Variants in USP3 observed in about 807,000 individuals in gnomAD.
The protein encoded by USP3 is ubiquitin carboxyl-terminal hydrolase 3.
USP3 carries 20 observed loss-of-function variants against 72.3 expected under a neutral mutation model. The observed-to-expected ratio is 0.28, with a 90% CI of 0.19 to 0.40. USP3 has a LOEUF of 0.40. Among genes scored for constraint, USP3 ranks in the 10% least tolerant of loss-of-function variants. The pLI, the probability that USP3 is intolerant of heterozygous loss-of-function variation, is 1.00. For synonymous variants in USP3, 222 were observed against 225.3 expected (o/e 0.99, Z 0.13); for missense variants, 479 against 633.9 (o/e 0.76, Z 2.62).
intron 4 of USP3, among the ~76,000 whole-genome samples, chr15:63,554,878 T>C (rs1286793356): frequency 6.6e-6 from 1 of 152,218 alleles, no homozygotes; most frequent in African/African-American, 2.4e-5. Context: ...ACTTCTCTTC[T>C]AATTTGATGA....
chr15:63,573,196 T>G (rs1387041481), intron 9 of USP3, among the ~76,000 whole-genome samples: 2 of 152,182 alleles, frequency 1.3e-5, no homozygotes, highest in African/African-American at 2.4e-5. Context: ...GTAATCTGAC[T>G]TCATACTAAT....
intron 1 of USP3, among the ~76,000 whole-genome samples, chr15:63,506,337 G>A (rs1197250852): frequency 6.7e-6 from 1 of 149,022 alleles, no homozygotes; most frequent in Non-Finnish European, 1.5e-5. Context: ...TGCTATAATT[G>A]TAACTTAATT....
chr15:63,541,646 A>T (rs751295689), intron 3 of USP3, among the ~76,000 whole-genome samples: 6 of 152,168 alleles, frequency 3.9e-5, no homozygotes, highest in Non-Finnish European at 7.4e-5. Context: ...TGATGGCAAT[A>T]CATCAGAGTT....
Position 63,590,786 on chromosome 15 carries a change from A to T in USP3, c.1523A>T (p.Tyr508Phe), listed in dbSNP as rs965594820. Residue 508 changes from tyrosine (Y) to phenylalanine (F), a missense_variant, in exon 15 of 15, where the codon TAC becomes TTC. Coordinates refer to ENST00000380324, the MANE Select transcript of USP3 (RefSeq NM_006537.4). ...AAGGCGAAGGCCTACATCCTTTTCT[A>T]CGTGGAACACCAGGCCAAAGCTGGA... ...VVKAKAYILF[Y>F]VEHQAKAGSD... 6.2e-7 allele frequency: 1 copy of T among 1,614,104 alleles called. No homozygotes were observed. The highest frequency in any genetic ancestry group is 8.5e-7 in the Non-Finnish European group (1 of 1,180,008).
At chr15:63,527,134 CA>C (rs2152656102) in intron 1 of USP3, among the ~76,000 whole-genome samples, 1 of 152,292 alleles carries the variant, frequency 6.6e-6, no homozygotes, top group South Asian at 2.1e-4. Flanking sequence ...TGGGCTCAAG[CA>C]ATCCTCCCAC....
At chr15:63,560,712 A>G (rs747901832) in intron 7 of USP3, among the ~76,000 whole-genome samples, 6 of 152,144 alleles carry the variant, frequency 3.9e-5, no homozygotes, top group Admixed American at 1.3e-4. Context: ...AAAACGGACA[A>G]GTGCTCATTA....
At chr15:63,539,973 G>A (rs1169924122) in intron 3 of USP3, among the ~76,000 whole-genome samples, 1 of 152,162 alleles carries the variant, frequency 6.6e-6, no homozygotes. Flanking sequence ...TGCATGTGTT[G>A]TTTCCTCGTG....
In USP3 at chr15:63,544,687, C is replaced by A; in HGVS notation, c.284+7531C>A. On this transcript the variant is annotated intron_variant, in intron 3 of 14. Coordinates refer to ENST00000380324, the MANE Select transcript of USP3 (RefSeq NM_006537.4). This position sits in a 1 kb window ranked among gnomAD's most constrained non-coding sequence, Gnocchi z 4.2. The stretch of plus-strand genomic sequence containing the variant: ...TGACCGAATGAGGAATATTGTTTTG[C>A]CATTAAATAAGTGAATAGTGCGAAA... The A allele has an allele frequency of 2.9e-6, 2 of 701,086 alleles. No homozygotes were observed. The highest frequency in any genetic ancestry group is 5.2e-6 in the Non-Finnish European group (2 of 384,286). 43.4% of individuals were successfully genotyped at this position (701,086 alleles called of 1,614,324 possible). A position where few individuals can be genotyped will look rare whatever the true frequency, so the allele number is the denominator to read the frequency against.
intron 1 of USP3, among the ~76,000 whole-genome samples, chr15:63,508,821 A>G (rs1273304124): frequency 6.6e-6 from 1 of 152,204 alleles, no homozygotes; most frequent in African/African-American, 2.4e-5. Context: ...TAGGATAGGC[A>G]TGCTAATTTT....
chr15:63,586,244 T>C (rs190339390), intron 11 of USP3, among the ~76,000 whole-genome samples: 206 of 152,334 alleles, frequency 1.4e-3, no homozygotes, highest in African/African-American at 4.8e-3. Context: ...TGAGCATCCT[T>C]GTCTTCCTGA....
chr15:63,547,620 C>T (rs893194783), intron 3 of USP3, among the ~76,000 whole-genome samples: 2 of 151,752 alleles, frequency 1.3e-5, no homozygotes, highest in African/African-American at 4.8e-5. Flanking sequence ...GTCACAGCTA[C>T]TTGGTAGGCT....
intron 1 of USP3, among the ~76,000 whole-genome samples, chr15:63,516,343 G>A (rs766083428): frequency 1.7e-4 from 26 of 152,096 alleles, no homozygotes; most frequent in Non-Finnish European, 3.5e-4. Context: ...AGTTTTTATC[G>A]TGTGATTCCC....
intron 3 of USP3, among the ~76,000 whole-genome samples, chr15:63,549,103 T>C (rs1319377532): frequency 6.6e-6 from 1 of 152,192 alleles, no homozygotes; most frequent in African/African-American, 2.4e-5. Context: ...AAATACTGTG[T>C]CAACATGTAA....
chr15:63,570,561 C>T lies in USP3; in HGVS notation c.890C>T (p.Ala297Val). Residue 297 changes from alanine to valine, a missense_variant, in exon 9 of 15, where the codon GCA becomes GTA. Physicochemically the swap from Ala to Val is moderately conservative, Grantham distance 64. Coordinates refer to ENST00000380324, the MANE Select transcript of USP3 (RefSeq NM_006537.4). This position sits in a 1 kb window ranked among gnomAD's most constrained non-coding sequence, Gnocchi z 4.4. ...CTGCAGGAGAATTCTACTCTGTCTG[C>T]AAGTAACAAGTGTTGCATGTAAGAT... ...AILQENSTLSASNKCCINGAS... is the reference protein window; with the variant it reads ...AILQENSTLSVSNKCCINGAS... 6.2e-7 allele frequency: 1 copy of T among 1,612,734 alleles called. No homozygotes were observed. The highest frequency in any genetic ancestry group is 8.5e-7 in the Non-Finnish European group (1 of 1,179,390).
chr15:63,547,841 GGAGGGAGA>G (rs1185592049), intron 3 of USP3, among the ~76,000 whole-genome samples: 2 of 45,024 alleles, frequency 4.4e-5, no homozygotes, highest in African/African-American at 1.7e-4. Context: ...AGAGAGGGAG[GGAGGGAGA>G]GAGAGAGAGA....
intron 1 of USP3, among the ~76,000 whole-genome samples, chr15:63,505,607 T>C (rs1348351031): frequency 6.6e-6 from 1 of 152,204 alleles, no homozygotes; most frequent in Non-Finnish European, 1.5e-5. Flanking sequence ...ATTAGATTTA[T>C]ATAAGGCTTT....
intron 1 of USP3, among the ~76,000 whole-genome samples, chr15:63,516,623 G>A (rs767212107): frequency 6.6e-6 from 1 of 152,098 alleles, no homozygotes; most frequent in Non-Finnish European, 1.5e-5. Context: ...TAAAGGCATT[G>A]TTGGTTTGTT....
chr15:63,540,171 A>G (rs2066223208), intron 3 of USP3, among the ~76,000 whole-genome samples: 1 of 152,088 alleles, frequency 6.6e-6, no homozygotes, highest in Non-Finnish European at 1.5e-5. Flanking sequence ...GTTATAACAT[A>G]CTCTGAGGCT....
intron 2 of USP3, 114 bp downstream of exon 2, chr15:63,532,821 T>A (rs949795801): frequency 3.6e-6 from 4 of 1,101,530 alleles, no homozygotes; most frequent in Non-Finnish European, 5.4e-6. Context: ...TCATAATGCA[T>A]AATTCCCTGT....
Sources: gnomAD v4.1 joint callset for allele counts (sites outside exome capture counted in the v4.1 genomes callset) on GRCh38, gnomAD v4.1.1 for gene constraint, Gnocchi (gnomAD v3.1) non-coding constraint, MANE v1.5 for transcripts, NCBI Gene and HGNC (gene_info 2026-07-23, HGNC 2026-07-21) for gene names.